CYRIA: variants seen among roughly 807,000 people sequenced by gnomAD.
CYRIA encodes the protein CYFIP related Rac1 interactor A.
A neutral mutation model predicts 43.9 loss-of-function variants in CYRIA; 15 were observed. The observed-to-expected ratio is 0.34, with a 90% CI of 0.23 to 0.53. The LOEUF (loss-of-function observed/expected upper bound fraction) is 0.53. Ranked by LOEUF, CYRIA falls within the 20% of genes least tolerant of loss-of-function variation. The probability of loss-of-function intolerance (pLI) is 0.94; values close to 1 mark genes in which losing one functional copy is unlikely to be tolerated. For synonymous variants in CYRIA, 117 were observed against 136.0 expected, an observed-to-expected ratio of 0.86 and a Z score of 0.97; for missense variants, 236 against 394.2, an observed-to-expected ratio of 0.60 and a Z score of 3.40.
At chr2:16,591,875 T>A (rs1667943313) in intron 2 of CYRIA, among the ~76,000 whole-genome samples, 1 of 152,070 alleles carries the variant, frequency 6.6e-6, no homozygotes. Flanking sequence ...CACACACACA[T>A]ATACACACAT....
At chr2:16,576,585 A>C (rs1428214757) in intron 3 of CYRIA, among the ~76,000 whole-genome samples, 1 of 152,156 alleles carries the variant, frequency 6.6e-6, no homozygotes, top group African/African-American at 2.4e-5. Flanking sequence ...TGAATCCTGG[A>C]GCACAGGTCG....
intron 3 of CYRIA, among the ~76,000 whole-genome samples, chr2:16,566,961 C>T (rs888955655): frequency 6.6e-6 from 1 of 152,162 alleles, no homozygotes; most frequent in Non-Finnish European, 1.5e-5. Flanking sequence ...GCACAGCATG[C>T]TTGCAGCAGA....
chr2:16,599,488 C>G (rs1668121498), intron 2 of CYRIA, among the ~76,000 whole-genome samples: 2 of 95,590 alleles, frequency 2.1e-5, no homozygotes, highest in African/African-American at 5.0e-5. Flanking sequence ...GGGAGTGACC[C>G]GGTTTTCCAG....
intron 1 of CYRIA, among the ~76,000 whole-genome samples, chr2:16,630,164 A>G (rs145208803): frequency 1.0e-3 from 159 of 152,336 alleles, no homozygotes; most frequent in African/African-American, 3.7e-3. Flanking sequence ...TGGAAATGGC[A>G]GTGCTCCTAT....
intron 1 of CYRIA, among the ~76,000 whole-genome samples, chr2:16,637,044 G>A (rs1669518740): frequency 1.3e-5 from 2 of 152,108 alleles, no homozygotes; most frequent in Non-Finnish European, 2.9e-5. Context: ...CTCCTGGGCT[G>A]AGTTTGGCCC....
intron 2 of CYRIA, among the ~76,000 whole-genome samples, chr2:16,620,150 T>C (rs1388622548): frequency 6.6e-6 from 1 of 152,258 alleles, no homozygotes; most frequent in Non-Finnish European, 1.5e-5. Context: ...ACTCAGATAT[T>C]ACCTGTTTAA....
At chr2:16,571,387 T>C (rs112268362) in intron 3 of CYRIA, among the ~76,000 whole-genome samples, 1,753 of 152,308 alleles carry the variant, frequency 0.012, 35 homozygotes, top group African/African-American at 0.04. Context: ...AAGGTGGCTA[T>C]GTGCTTTGTT....
chr2:16,587,910 T>C (rs1212960041), intron 3 of CYRIA, 140 bp downstream of exon 3: 6 of 531,714 alleles, frequency 1.1e-5, no homozygotes, highest in Non-Finnish European at 2.0e-5. Flanking sequence ...TATGTCTTTA[T>C]TAGCAGCATG....
At position 16,565,678 on chromosome 2, in the gene CYRIA, C is replaced by A. The variant is rs879281805; in HGVS notation, c.160G>T (p.Ala54Ser). The change falls in exon 4 of 12, where the codon GCT (alanine) becomes TCT (serine). Residue 54 changes from alanine to serine, a missense_variant. By Grantham distance (99) the Ala-to-Ser change is moderately conservative. Transcript: ENST00000381323. Reference protein sequence around the residue: ...DSESILADLQAYKGAGPEIRD... With the variant: ...DSESILADLQSYKGAGPEIRD... The stretch of plus-strand genomic sequence containing the variant: ...ATCTCTGGGCCTGCGCCTTTGTAAG[C>A]CTGCAGGTCTGCAAGGATGCTCTCA... The A allele has an allele frequency of 2.7e-5, 43 of 1,586,758 alleles. No homozygotes were observed. Among genetic ancestry groups the A allele is most frequent in the Non-Finnish European group, 3.5e-5 (40 of 1,159,260 alleles).
chr2:16,641,660 A>G (rs1669681052), intron 1 of CYRIA, among the ~76,000 whole-genome samples: 1 of 152,248 alleles, frequency 6.6e-6, no homozygotes, highest in Non-Finnish European at 1.5e-5. Context: ...CATTCCATCT[A>G]GCACATGGGA....
At chr2:16,574,769 A>G (rs1378364238) in intron 3 of CYRIA, among the ~76,000 whole-genome samples, 1 of 152,220 alleles carries the variant, frequency 6.6e-6, no homozygotes, top group Non-Finnish European at 1.5e-5. Flanking sequence ...CAGAAGATGT[A>G]TGAAAATGCC....
chr2:16,617,846 A>C (rs1668857988), intron 2 of CYRIA, among the ~76,000 whole-genome samples: 1 of 152,222 alleles, frequency 6.6e-6, no homozygotes, highest in Admixed American at 6.5e-5. Flanking sequence ...AGATGGAAGA[A>C]GCTGCATGAT....
intron 1 of CYRIA, among the ~76,000 whole-genome samples, chr2:16,632,660 C>G (rs192155283): frequency 1.1e-4 from 16 of 152,320 alleles, no homozygotes; most frequent in Admixed American, 9.2e-4. Flanking sequence ...AAATGAAAAA[C>G]TTCCATCATT....
intron 2 of CYRIA, among the ~76,000 whole-genome samples, chr2:16,617,496 A>G (rs899684947): frequency 6.6e-6 from 1 of 152,258 alleles, no homozygotes; most frequent in African/African-American, 2.4e-5. Flanking sequence ...CAGGGTTGGA[A>G]GAAGGAGAGA....
rs1558401784 is a variant in CYRIA, at chr2:16,561,078, G to A, written c.631-9C>T. ...ATTGGCAGAGTTTTGTTCTAAATGGGAGACACAAATGTACATTAGTCCTGC... is the reference window on the plus strand; with the variant it reads ...ATTGGCAGAGTTTTGTTCTAAATGGAAGACACAAATGTACATTAGTCCTGC... On this transcript the variant is annotated splice_polypyrimidine_tract_variant and intron_variant, in intron 8 of 11. Coordinates refer to ENST00000381323, the MANE Select transcript of CYRIA (RefSeq NM_030797.4). The A allele has an allele frequency of 6.2e-7, 1 of 1,613,526 alleles. No homozygotes were observed.
chr2:16,663,639 A>T (rs192604606), intron 1 of CYRIA, among the ~76,000 whole-genome samples: 18 of 151,942 alleles, frequency 1.2e-4, no homozygotes, highest in African/African-American at 4.3e-4. Context: ...GCCTGGGAGC[A>T]AATGCAAACT....
intron 3 of CYRIA, among the ~76,000 whole-genome samples, chr2:16,570,383 C>G (rs754466178): frequency 3.3e-5 from 5 of 152,146 alleles, no homozygotes; most frequent in Non-Finnish European, 5.9e-5. Flanking sequence ...GAATGTCTCA[C>G]CAGTGTGGTT....
chr2:16,606,570 A>C (rs569354213), intron 2 of CYRIA, among the ~76,000 whole-genome samples: 109 of 152,148 alleles, frequency 7.2e-4, no homozygotes, highest in African/African-American at 2.6e-3. Context: ...AACAAAATGA[A>C]AAAGAGGCCT....
intron 1 of CYRIA, among the ~76,000 whole-genome samples, chr2:16,633,406 T>TTTTA (rs138574548): frequency 0.11 from 16,559 of 151,198 alleles, 1,215 homozygotes; most frequent in African/African-American, 0.2. Flanking sequence ...GTCTCATGAC[T>TTTTA]TTTATTTATT....
Sources: allele counts gnomAD v4.1 joint callset (sites outside exome capture counted in the v4.1 genomes callset), GRCh38; gene constraint gnomAD v4.1.1; transcripts MANE v1.5; gene names NCBI Gene and HGNC (gene_info 2026-07-23, HGNC 2026-07-21).